Variants in RAD51B observed in about 807,000 individuals in gnomAD.
RAD51B encodes the protein DNA repair protein RAD51 homolog 2.
A neutral mutation model predicts 42.2 loss-of-function variants in RAD51B; 38 were observed. The observed-to-expected ratio is 0.90, with a 90% confidence interval of 0.70 to 1.18. The LOEUF is 1.18. Among genes scored for constraint, RAD51B ranks in the 50% most tolerant of loss-of-function variants. The pLI, the probability that RAD51B is intolerant of heterozygous loss-of-function variation, is 0.00. For missense variants in RAD51B, 373 were observed against 400.7 expected (o/e 0.93, Z 0.59); for synonymous variants, 154 against 145.2 (o/e 1.06, Z -0.43).
At chr14:67,844,811 T>A (rs965810539) in intron 4 of RAD51B, among the ~76,000 whole-genome samples, 8 of 152,028 alleles carry the variant, frequency 5.3e-5, no homozygotes, top group Non-Finnish European at 1.2e-4. Flanking sequence ...GATGTTCCCC[T>A]TCAAAAATGA....
At chr14:68,632,968 C>CTTTTTTTTTTTTTTTTTTTTTTTTTTTTT (rs397852024) in intron 10 of RAD51B, among the ~76,000 whole-genome samples, 8 of 59,414 alleles carry the variant, frequency 1.3e-4, no homozygotes, top group Non-Finnish European at 1.5e-4. Flanking sequence ...TTTTCTTTTT[C>CTTTTTTTTTTTTTTTTTTTTTTTTTTTTT]TTTTTTTTTT....
rs183184866 is a variant in RAD51B, at chr14:68,522,587, C to T, written c.1036+54337C>T. The stretch of plus-strand genomic sequence containing the variant: ...GAGCCATCTGATTTCAAGCATGTAC[C>T]GGCTCGTGTGTGGAAGACAGTAATT... On this transcript the variant is annotated intron_variant, in intron 10 of 10. Transcript: ENST00000487270. Among the ~76,000 whole-genome samples the T allele has an allele frequency of 3.5e-3, 529 of 152,254 alleles. 2 individuals are homozygous for T. The highest frequency in any genetic ancestry group is 6.8e-3 in the Middle Eastern group (2 of 294).
At chr14:68,578,613 C>T (rs1890071564) in intron 10 of RAD51B, among the ~76,000 whole-genome samples, 1 of 152,088 alleles carries the variant, frequency 6.6e-6, no homozygotes, top group African/African-American at 2.4e-5. Flanking sequence ...TAGCCTCTCT[C>T]CTTGAAGGAT....
chr14:68,377,460 C>A (rs1381043293), intron 8 of RAD51B, among the ~76,000 whole-genome samples: 1 of 152,192 alleles, frequency 6.6e-6, no homozygotes, highest in Non-Finnish European at 1.5e-5. Flanking sequence ...ATTAAAACTG[C>A]CAGTGTTTTC....
intron 7 of RAD51B, among the ~76,000 whole-genome samples, chr14:68,075,338 G>T (rs1359118353): frequency 1.3e-5 from 2 of 152,300 alleles, no homozygotes; most frequent in East Asian, 3.9e-4. Flanking sequence ...AGCAAGGGTA[G>T]TACCACTGCA....
intron 7 of RAD51B, among the ~76,000 whole-genome samples, chr14:68,127,947 G>A (rs1326084302): frequency 1.3e-5 from 2 of 152,116 alleles, no homozygotes; most frequent in Non-Finnish European, 2.9e-5. Flanking sequence ...CTATGCTGAG[G>A]TTCCTAGCAT....
At chr14:68,550,183 T>C (rs928435366) in intron 10 of RAD51B, among the ~76,000 whole-genome samples, 5 of 152,168 alleles carry the variant, frequency 3.3e-5, no homozygotes, top group Non-Finnish European at 7.4e-5. Flanking sequence ...CACCACACAC[T>C]TGGATTTGTT....
chr14:67,864,796 A>G lies in RAD51B; in HGVS notation c.316-207A>G, dbSNP rs555264407. ...TTCTCAATTCCTCCAAGGATGGTAC[A>G]TAACTAGTGCCAATTCAGATGCAGA... On this transcript the variant is annotated intron_variant, in intron 4 of 10. Coordinates refer to ENST00000471583, the MANE Select transcript of RAD51B (RefSeq NM_133510.4). 6.2e-5 allele frequency: 50 copies of G among 810,862 alleles called. No individual in the cohort carries two copies. The Admixed American group carries it at 8.2e-4, about 13-fold the overall frequency. 50.2% of individuals were successfully genotyped at this position (810,862 alleles called of 1,614,324 possible).
chr14:67,919,309 C>T (rs1376264134), intron 7 of RAD51B, among the ~76,000 whole-genome samples: 2 of 152,144 alleles, frequency 1.3e-5, no homozygotes, highest in East Asian at 1.9e-4. Context: ...GAAGGATTCT[C>T]GAGCTGAAGA....
chr14:68,551,439 C>A (rs1888566140), intron 10 of RAD51B, among the ~76,000 whole-genome samples: 1 of 152,218 alleles, frequency 6.6e-6, no homozygotes, highest in African/African-American at 2.4e-5. Context: ...GTGATTTTGT[C>A]ATCTGTCTCC....
intron 7 of RAD51B, among the ~76,000 whole-genome samples, chr14:68,115,507 G>A (rs1357774446): frequency 7.7e-6 from 1 of 129,232 alleles, no homozygotes; most frequent in Non-Finnish European, 1.6e-5. Flanking sequence ...TAACTAACCT[G>A]CACAATGTGC....
At chr14:68,205,233 G>A (rs780973875) in intron 7 of RAD51B, among the ~76,000 whole-genome samples, 5 of 152,170 alleles carry the variant, frequency 3.3e-5, no homozygotes, top group Admixed American at 6.5e-5. Flanking sequence ...TTTGAGATGA[G>A]TGACAGAATG....
In RAD51B at chr14:68,017,998, A is replaced by G. The variant is rs560671230; in HGVS notation, c.756+130794A>G. 9.1e-4 allele frequency among the ~76,000 whole-genome samples: 138 copies of G among 151,780 alleles called. 1 individual carries two copies. The highest frequency in any genetic ancestry group is 2.2e-3 in the Admixed American group (34 of 15,266). ...TAAATAAATAAATAAATAAATAAAT[A>G]AATTTTAACTGCAGAATTACCTATT... is the stretch of plus-strand genomic sequence containing the variant. On this transcript the variant is annotated intron_variant, in intron 7 of 10. Transcript: ENST00000471583.
At chr14:68,670,093 G>A (rs558542931) in intron 11 of RAD51B, among the ~76,000 whole-genome samples, 8 of 152,290 alleles carry the variant, frequency 5.3e-5, no homozygotes, top group South Asian at 2.1e-4. Context: ...CGAGAGAACC[G>A]TCCCGATGAC....
At chr14:68,268,049 C>G (rs1439336191) in intron 7 of RAD51B, among the ~76,000 whole-genome samples, 1 of 152,100 alleles carries the variant, frequency 6.6e-6, no homozygotes, top group Non-Finnish European at 1.5e-5. Context: ...AATAGAGTGG[C>G]TAGGAGAGAC....
At chr14:68,144,591 T>C (rs1009165141) in intron 7 of RAD51B, among the ~76,000 whole-genome samples, 2 of 152,230 alleles carry the variant, frequency 1.3e-5, no homozygotes, top group Admixed American at 6.5e-5. Context: ...AGTTGTTCTC[T>C]GCTGCTCTTT....
intron 7 of RAD51B, among the ~76,000 whole-genome samples, chr14:68,123,066 G>A (rs1595431676): frequency 6.6e-6 from 1 of 152,124 alleles, no homozygotes; most frequent in Admixed American, 6.5e-5. Flanking sequence ...ACAGGAAAAA[G>A]AGACTTTCTT....
chr14:68,599,074 C>A (rs1891116171), downstream of RAD51B, among the ~76,000 whole-genome samples: 1 of 152,176 alleles, frequency 6.6e-6, no homozygotes, highest in South Asian at 2.1e-4. Flanking sequence ...CGTATCTGAG[C>A]TGGCCGCTCC....
chr14:67,881,865 A>T (rs970124629), intron 5 of RAD51B, among the ~76,000 whole-genome samples: 2 of 152,206 alleles, frequency 1.3e-5, no homozygotes, highest in Non-Finnish European at 1.5e-5. Context: ...TCCAGGCTTA[A>T]GTTTCCAGCT....
Sources: allele counts gnomAD v4.1 joint callset (sites outside exome capture counted in the v4.1 genomes callset), GRCh38; gene constraint gnomAD v4.1.1; transcripts MANE v1.5; gene names NCBI Gene and HGNC (gene_info 2026-07-23, HGNC 2026-07-21).